Variants in KMT2C observed in about 807,000 individuals in gnomAD.
The protein encoded by KMT2C is histone-lysine N-methyltransferase 2C.
A neutral mutation model predicts 507.9 loss-of-function variants in KMT2C; 88 were observed. That is an observed-to-expected ratio of 0.17 (90% confidence interval 0.15 to 0.21). KMT2C has a LOEUF of 0.21. Among genes scored for constraint, KMT2C ranks in the 10% least tolerant of loss-of-function variants. KMT2C has a pLI of 1.00. For missense variants in KMT2C, 4,954 were observed against 5,957.8 expected, an observed-to-expected ratio of 0.83 and a Z score of 5.55; for synonymous variants, 2,049 against 2,080.8, an observed-to-expected ratio of 0.98 and a Z score of 0.42.
chr7:152,405,307 C>T (rs2097602806), intron 1 of KMT2C, among the ~76,000 whole-genome samples: 3 of 151,848 alleles, frequency 2.0e-5, no homozygotes, highest in African/African-American at 7.3e-5. Context: ...AGTAGTGGCT[C>T]GATCTCTGCT....
At chr7:152,163,962 A>C in intron 42 of KMT2C, 136 bp from the exon 43 acceptor site, 1 of 728,196 alleles carries the variant, frequency 1.4e-6, no homozygotes, top group Non-Finnish European at 2.3e-6. Flanking sequence ...TGCTTGGGTA[A>C]CTGCAAAAGT....
At chr7:152,333,829 C>T (rs953047438) in intron 2 of KMT2C, among the ~76,000 whole-genome samples, 1 of 151,602 alleles carries the variant, frequency 6.6e-6, no homozygotes, top group African/African-American at 2.4e-5. Context: ...CTTAAAATAA[C>T]ATGTTTCTTT....
At chr7:152,203,715 G>A (rs1162361920) in intron 25 of KMT2C, among the ~76,000 whole-genome samples, 1 of 151,998 alleles carries the variant, frequency 6.6e-6, no homozygotes, top group Non-Finnish European at 1.5e-5. Context: ...ATAATGGCAG[G>A]GCAAATGGCA....
intron 1 of KMT2C, among the ~76,000 whole-genome samples, chr7:152,401,647 C>T (rs2097574612): frequency 6.6e-6 from 1 of 152,260 alleles, no homozygotes; most frequent in East Asian, 1.9e-4. Context: ...ACCAAGATCG[C>T]ACCACTGCAC....
intron 1 of KMT2C, among the ~76,000 whole-genome samples, chr7:152,390,417 GTT>G (rs1174812416): frequency 6.6e-6 from 1 of 152,308 alleles, no homozygotes; most frequent in Non-Finnish European, 1.5e-5. Flanking sequence ...AGAACACTTT[GTT>G]AAACAAGTCC....
intron 24 of KMT2C, among the ~76,000 whole-genome samples, chr7:152,206,150 G>A (rs1436909214): frequency 6.6e-6 from 1 of 152,196 alleles, no homozygotes; most frequent in Non-Finnish European, 1.5e-5. Flanking sequence ...AATAACATAA[G>A]TGAAGTGCTT....
chr7:152,407,895 C>T (rs1325818378), intron 1 of KMT2C, among the ~76,000 whole-genome samples: 1 of 152,202 alleles, frequency 6.6e-6, no homozygotes, highest in African/African-American at 2.4e-5. Context: ...CTATTAGTTA[C>T]ATTTAAAATT....
chr7:152,290,258 G>GTGTATATATATA (rs1337492088), intron 6 of KMT2C, among the ~76,000 whole-genome samples: 14 of 26,258 alleles, frequency 5.3e-4, no homozygotes, highest in Admixed American at 7.8e-4. Flanking sequence ...GTGTGTATGT[G>GTGTATATATATA]TATATATATA....
chr7:152,431,147 A>G (rs543829988), intron 1 of KMT2C, among the ~76,000 whole-genome samples: 1 of 152,280 alleles, frequency 6.6e-6, no homozygotes, highest in South Asian at 2.1e-4. Context: ...TGATACTTTT[A>G]TATTTCCATG....
intron 2 of KMT2C, among the ~76,000 whole-genome samples, chr7:152,331,635 C>A (rs1041989993): frequency 1.4e-5 from 2 of 140,496 alleles, no homozygotes; most frequent in Non-Finnish European, 1.5e-5. Context: ...ACAACAACAA[C>A]AAAAAGATTT....
chr7:152,332,892 AAAT>A (rs1391318622), intron 2 of KMT2C, among the ~76,000 whole-genome samples: 3 of 151,262 alleles, frequency 2.0e-5, no homozygotes, highest in East Asian at 3.9e-4. Context: ...ACACACACAC[AAAT>A]TATTCTCGTC....
At chr7:152,223,502 C>T (rs1438620348) in intron 20 of KMT2C, among the ~76,000 whole-genome samples, 1 of 152,044 alleles carries the variant, frequency 6.6e-6, no homozygotes, top group Non-Finnish European at 1.5e-5. Flanking sequence ...AATTAAAAAT[C>T]TTTAGTCTTG....
intron 40 of KMT2C, 33 bp downstream of exon 40, chr7:152,171,231 C>A (rs2129108422): frequency 7.0e-7 from 1 of 1,423,478 alleles, no homozygotes; most frequent in Non-Finnish European, 9.7e-7. Context: ...GAAAAGCGTG[C>A]ATTCTAGAGG....
chr7:152,222,032 T>C lies in KMT2C; in HGVS notation c.3468A>G (p.Val1156=), dbSNP rs1305754934. ...CTTTTACTTTTGTGACAATTTGTGCTACAAGTGAAGATTCACAGCAGTCTG... is the reference window on the plus strand; with the variant it reads ...CTTTTACTTTTGTGACAATTTGTGCCACAAGTGAAGATTCACAGCAGTCTG... The part of the protein sequence containing the change: ...PSSDCCESSL[V]AQIVTKVKEL... Residue 1156 remains valine (V), a synonymous_variant, in exon 22 of 59, where the codon GTA becomes GTG. Coordinates refer to ENST00000262189, the MANE Select transcript of KMT2C (RefSeq NM_170606.3). 4 of 1,604,832 alleles carry C rather than the reference T, an allele frequency of 2.5e-6. No individual in the cohort carries two copies. Among genetic ancestry groups the C allele is most frequent in the Non-Finnish European group, 3.4e-6 (4 of 1,176,480 alleles).
At chr7:152,391,123 GAC>G (rs1298617492) in intron 1 of KMT2C, among the ~76,000 whole-genome samples, 31 of 97,682 alleles carry the variant, frequency 3.2e-4, no homozygotes, top group African/African-American at 1.3e-3. Flanking sequence ...CAGCCTGGGC[GAC>G]AGAGTGAGAC....
intron 6 of KMT2C, among the ~76,000 whole-genome samples, chr7:152,290,900 A>C (rs375486821): frequency 6.6e-6 from 1 of 152,060 alleles, no homozygotes; most frequent in South Asian, 2.1e-4. Context: ...TTTTAAATAT[A>C]AATAAAAATA....
chr7:152,215,600 A>G (rs1176488176), intron 23 of KMT2C, among the ~76,000 whole-genome samples: 3 of 150,264 alleles, frequency 2.0e-5, no homozygotes, highest in African/African-American at 2.5e-5. Context: ...TAAATTGCTT[A>G]TATTTCCATA....
intron 6 of KMT2C, among the ~76,000 whole-genome samples, chr7:152,308,531 C>G (rs1451485726): frequency 6.6e-6 from 1 of 151,666 alleles, no homozygotes; most frequent in African/African-American, 2.4e-5. Flanking sequence ...CAAAAATTAG[C>G]CGGTGTGGTG....
rs767971137 is a variant in KMT2C at position 152,145,140 on chromosome 7, T to C, written c.14174+13A>G. ...AACCCTGGGCTGTACTATGTGAAGT[T>C]AAAACAAAATACCTTAACACAAACC... On this transcript the variant is annotated intron_variant, in intron 54 of 58. Coordinates refer to ENST00000262189, the MANE Select transcript of KMT2C (RefSeq NM_170606.3). 4 of 1,612,960 alleles carry C rather than the reference T, an allele frequency of 2.5e-6. No homozygotes were observed. The African/African-American group carries it at 4.0e-5, about 16-fold the overall frequency.
Sources: allele counts gnomAD v4.1 joint callset (sites outside exome capture counted in the v4.1 genomes callset), GRCh38; gene constraint gnomAD v4.1.1; transcripts MANE v1.5; gene names NCBI Gene and HGNC (gene_info 2026-07-23, HGNC 2026-07-21).